Variants in PRKRA observed in about 807,000 individuals in gnomAD.
PRKRA encodes the protein interferon-inducible double-stranded RNA-dependent protein kinase activator A.
In PRKRA, 22 loss-of-function variants were observed where a neutral mutation model predicts 32.4. That is an observed-to-expected ratio of 0.68 (90% CI 0.49 to 0.97). The LOEUF (loss-of-function observed/expected upper bound fraction) is 0.97. PRKRA is among the 50% of genes least tolerant of loss of function. The pLI is 0.00. For synonymous variants in PRKRA, 139 were observed against 129.8 expected (o/e 1.07, Z -0.48); for missense variants, 319 against 375.6 (o/e 0.85, Z 1.25).
intron 6 of PRKRA, among the ~76,000 whole-genome samples, chr2:178,441,180 T>C (rs1230800783): frequency 6.6e-6 from 1 of 152,226 alleles, no homozygotes; most frequent in African/African-American, 2.4e-5. Context: ...ATAGAATTCC[T>C]TCCTTTCAGT....
intron 3 of PRKRA, among the ~76,000 whole-genome samples, chr2:178,447,099 A>G (rs1195890637): frequency 6.6e-6 from 1 of 152,070 alleles, no homozygotes; most frequent in Non-Finnish European, 1.5e-5. Flanking sequence ...AATAAAAGAA[A>G]ACCTCTGCCT....
At chr2:178,449,559 T>C (rs1393650312) in intron 2 of PRKRA, among the ~76,000 whole-genome samples, 1 of 152,378 alleles carries the variant, frequency 6.6e-6, no homozygotes, top group South Asian at 2.1e-4. Flanking sequence ...TTAGTTATCA[T>C]TTGCTCAAGC....
At chr2:178,446,396 T>C (rs1398425115) in intron 3 of PRKRA, among the ~76,000 whole-genome samples, 30 of 152,334 alleles carry the variant, frequency 2.0e-4, no homozygotes, top group Non-Finnish European at 1.5e-5. Context: ...GGGCAGCTGC[T>C]TATCTAGAGG....
chr2:178,445,097 T>G (rs1697266123), intron 3 of PRKRA, among the ~76,000 whole-genome samples: 2 of 152,250 alleles, frequency 1.3e-5, no homozygotes, highest in African/African-American at 4.8e-5. Flanking sequence ...TGATCTATCA[T>G]CTGCTCAGTG....
intron 7 of PRKRA, chr2:178,433,887 T>A (rs1696772669): frequency 6.6e-6 from 1 of 152,194 alleles, no homozygotes; most frequent in Non-Finnish European, 1.5e-5. Context: ...TGGCTTTCCA[T>A]ATCTACAAGA....
intron 6 of PRKRA, chr2:178,440,231 T>G (rs1697060830): frequency 6.6e-6 from 1 of 152,200 alleles, no homozygotes; most frequent in Non-Finnish European, 1.5e-5. Flanking sequence ...AAATGTAAAA[T>G]CAAATTATAT....
At chr2:178,434,907 G>A (rs1424290754) in intron 7 of PRKRA, among the ~76,000 whole-genome samples, 1 of 151,774 alleles carries the variant, frequency 6.6e-6, no homozygotes, top group African/African-American at 2.4e-5. Context: ...GATCACTTGA[G>A]GTCAGGAGTT....
rs545506202 is a variant in PRKRA at position 178,451,134 on chromosome 2, C to T, written c.-104G>A. ...GGAGGAGCTCCAGCGCCGCCACCTC[C>T]TCCGACTCCCCCGCCTCCTGCTTGC... On this transcript the variant is annotated 5_prime_UTR_variant, in exon 1 of 8. Coordinates refer to ENST00000325748, the MANE Select transcript of PRKRA (RefSeq NM_003690.5). 2,413 of 1,328,518 alleles carry T rather than the reference C, an allele frequency of 1.8e-3. 2 individuals are homozygous for T. The highest frequency in any genetic ancestry group is 2.3e-3 in the Non-Finnish European group (2,218 of 983,970). The allele number at this position is 1,328,518 out of a possible 1,614,324, so 82.3% of individuals were successfully genotyped here. A position where few individuals can be genotyped will look rare whatever the true frequency, so the allele number is the denominator to read the frequency against.
chr2:178,442,600 T>C (rs1697158830), intron 5 of PRKRA, among the ~76,000 whole-genome samples: 1 of 152,226 alleles, frequency 6.6e-6, no homozygotes. Context: ...GTTCCTGCTT[T>C]TGGCCTGGTG....
At chr2:178,432,372 C>A in intron 7 of PRKRA, 118 bp from the exon 8 acceptor site, 1 of 1,303,014 alleles carries the variant, frequency 7.7e-7, no homozygotes, top group African/African-American at 1.5e-5. Flanking sequence ...TGGTATACTA[C>A]ACCACTCGCA....
In PRKRA at chr2:178,451,129, A is replaced by G; in HGVS notation, c.-99T>C. 1 of 1,345,012 alleles carries G rather than the reference A, an allele frequency of 7.4e-7. No homozygotes were observed. The highest frequency in any genetic ancestry group is 1.0e-6 in the Non-Finnish European group (1 of 998,344). The allele number at this position is 1,345,012 out of a possible 1,614,324, so 83.3% of individuals were successfully genotyped here. ...CCCCGGGAGGAGCTCCAGCGCCGCCACCTCCTCCGACTCCCCCGCCTCCTG... is the reference window on the plus strand; with the variant it reads ...CCCCGGGAGGAGCTCCAGCGCCGCCGCCTCCTCCGACTCCCCCGCCTCCTG... On this transcript the variant is annotated 5_prime_UTR_variant, in exon 1 of 8. Coordinates refer to ENST00000325748, the MANE Select transcript of PRKRA (RefSeq NM_003690.5).
chr2:178,450,764 C>T (rs1052795523), intron 1 of PRKRA: 3 of 1,349,732 alleles, frequency 2.2e-6, no homozygotes, highest in Admixed American at 7.2e-5. Context: ...CCGCGCGCCG[C>T]CAGGGACCAC....
At chr2:178,450,463 C>CG in intron 1 of PRKRA, 52 bp from the exon 2 acceptor site, 2 of 1,342,720 alleles carry the variant, frequency 1.5e-6, no homozygotes, top group Non-Finnish European at 2.0e-6. Context: ...GAGATTGAAG[C>CG]AGAAGCGTAG....
Position 178,432,199 on chromosome 2 carries a change from G to A in PRKRA, c.840C>T (p.Pro280=), listed in dbSNP as rs1176724773. The change falls in exon 8 of 8, where the codon CCC becomes CCT. Residue 280 remains proline (P), a synonymous_variant. Transcript: ENST00000325748. ...YQCLAELSTS[P]ITVCHGSGIS... ...TACCGGAGCCATGACAGACTGTGATGGGGCTGGTGGACAGTTCAGCAAGAC... is the reference window on the plus strand; with the variant it reads ...TACCGGAGCCATGACAGACTGTGATAGGGCTGGTGGACAGTTCAGCAAGAC... 10 of 1,614,230 alleles carry A rather than the reference G, an allele frequency of 6.2e-6. No individual in the cohort carries two copies. The East Asian group carries it at 6.7e-5, about 11-fold the overall frequency.
At chr2:178,437,972 G>C (rs1696966844) in intron 6 of PRKRA, among the ~76,000 whole-genome samples, 1 of 152,066 alleles carries the variant, frequency 6.6e-6, no homozygotes. Flanking sequence ...CGAGTAGCTG[G>C]GACTACAGGC....
intron 6 of PRKRA, among the ~76,000 whole-genome samples, chr2:178,438,080 ACT>A (rs1251380172): frequency 6.6e-6 from 1 of 152,000 alleles, no homozygotes; most frequent in Non-Finnish European, 1.5e-5. Flanking sequence ...ATTTCTTCCC[ACT>A]TTTTTATTGT....
intron 4 of PRKRA, chr2:178,443,836 G>A: frequency 5.7e-6 from 1 of 175,814 alleles, no homozygotes; most frequent in South Asian, 1.3e-4. Flanking sequence ...GACAGAAGGT[G>A]AAGAAAACTA....
chr2:178,449,062 T>C (rs1371043355), intron 2 of PRKRA, among the ~76,000 whole-genome samples: 1 of 152,204 alleles, frequency 6.6e-6, no homozygotes, highest in Non-Finnish European at 1.5e-5. Flanking sequence ...TATTAGTCTT[T>C]AGACAGTATC....
At position 178,451,068 on chromosome 2, in the gene PRKRA, G is replaced by T; in HGVS notation, c.-38C>A. On this transcript the variant is annotated 5_prime_UTR_variant, in exon 1 of 8. Transcript: ENST00000325748. ...CGGCTCAGCGGCTGGAGGAAGAGCGGTGCGGAGCGACGTGCTCGCTCCCCG... is the reference window on the plus strand; with the variant it reads ...CGGCTCAGCGGCTGGAGGAAGAGCGTTGCGGAGCGACGTGCTCGCTCCCCG... The T allele has an allele frequency of 6.5e-7, 1 of 1,544,840 alleles. No homozygotes were observed. Among genetic ancestry groups the T allele is most frequent in the Non-Finnish European group, 8.7e-7 (1 of 1,150,194 alleles).
Sources: allele counts gnomAD v4.1 joint callset (sites outside exome capture counted in the v4.1 genomes callset), GRCh38; gene constraint gnomAD v4.1.1; transcripts MANE v1.5; gene names NCBI Gene and HGNC (gene_info 2026-07-23, HGNC 2026-07-21).